The following ME2 variants were observed in gnomAD, a reference collection of about 807,000 sequenced individuals.
ME2 encodes malic enzyme 2.
ME2 carries 60 observed loss-of-function variants against 73.7 expected under a neutral mutation model. The ratio of observed to expected loss-of-function variants is 0.81; its 90% CI spans 0.66 to 1.01. The LOEUF (loss-of-function observed/expected upper bound fraction) is 1.01. Ranked by LOEUF, ME2 falls within the 50% of genes least tolerant of loss-of-function variation. The pLI is 0.00. For synonymous variants in ME2, 199 were observed against 236.9 expected (o/e 0.84, Z 1.47); for missense variants, 594 against 705.5 (o/e 0.84, Z 1.79).
In ME2 at chr18:50,910,022, C is replaced by T. The variant is rs116784379; in HGVS notation, c.242+1826C>T. On this transcript the variant is annotated intron_variant, in intron 3 of 15. Coordinates refer to ENST00000321341, the MANE Select transcript of ME2 (RefSeq NM_002396.5). ...CTCTCAATCTTAACTGATGATCTTG[C>T]TTTCTTTTATGACATAGAATATGAA... Among the ~76,000 whole-genome samples, 426 of 152,236 alleles carry T rather than the reference C, an allele frequency of 2.8e-3. 3 individuals carry two copies. Among genetic ancestry groups the T allele is most frequent in the African/African-American group, 9.6e-3 (398 of 41,540 alleles).
At chr18:50,915,472 G>C (rs1382529567) in intron 4 of ME2, 1 of 152,230 alleles carries the variant, frequency 6.6e-6, no homozygotes, top group South Asian at 2.1e-4. Context: ...CTTCACTGCA[G>C]CATGGGTGAA....
chr18:50,934,563 G>T (rs559796371), intron 13 of ME2: 1 of 152,056 alleles, frequency 6.6e-6, no homozygotes, highest in Admixed American at 6.6e-5. Context: ...TGGAAGGATC[G>T]CATGAGCCTG....
chr18:50,887,468 C>T (rs891371845), intron 1 of ME2, among the ~76,000 whole-genome samples: 2 of 152,164 alleles, frequency 1.3e-5, no homozygotes, highest in African/African-American at 4.8e-5. Context: ...GTTCAACCTT[C>T]AGAATCAAAA....
intron 9 of ME2, 80 bp downstream of exon 9, chr18:50,920,838 G>A (rs1437481003): frequency 1.8e-6 from 2 of 1,111,436 alleles, no homozygotes; most frequent in Non-Finnish European, 2.6e-6. Flanking sequence ...TGATGTTTAT[G>A]AAAGAGCATA....
At chr18:50,910,489 G>A (rs1028259594) in intron 3 of ME2, among the ~76,000 whole-genome samples, 1 of 151,904 alleles carries the variant, frequency 6.6e-6, no homozygotes, top group African/African-American at 2.4e-5. Context: ...GGTTAAAGGG[G>A]TGAGAGCAGA....
chr18:50,928,542 T>C (rs1383139154), intron 12 of ME2, among the ~76,000 whole-genome samples: 1 of 152,190 alleles, frequency 6.6e-6, no homozygotes, highest in Non-Finnish European at 1.5e-5. Context: ...CCGGACTGTT[T>C]TTGTTTTTCT....
chr18:50,919,251 G>T (rs1917363489), intron 7 of ME2, among the ~76,000 whole-genome samples: 1 of 152,106 alleles, frequency 6.6e-6, no homozygotes, highest in African/African-American at 2.4e-5. Context: ...GCTTCATTTT[G>T]TCATTCTTTT....
At chr18:50,893,965 T>G (rs562884957) in intron 1 of ME2, among the ~76,000 whole-genome samples, 1 of 152,264 alleles carries the variant, frequency 6.6e-6, no homozygotes, top group Non-Finnish European at 1.5e-5. Context: ...ATGTCCTTCA[T>G]GCTTTAATTA....
At chr18:50,912,361 G>C (rs116692533) in intron 3 of ME2, among the ~76,000 whole-genome samples, 78 of 152,248 alleles carry the variant, frequency 5.1e-4, no homozygotes, top group Middle Eastern at 3.4e-3. Context: ...GAAAATAGAG[G>C]TAACTTCTTA....
chr18:50,912,980 A>G lies in ME2; in HGVS notation c.392+30A>G, dbSNP rs1917193880. On this transcript the variant is annotated intron_variant, in intron 4 of 15. Coordinates refer to ENST00000321341, the MANE Select transcript of ME2 (RefSeq NM_002396.5). ...GGCTTGTTTAAAAAAAAGCTTGTAA[A>G]TGATTATTGAATAAGGAAAATATCA... The G allele has an allele frequency of 3.9e-6, 6 of 1,548,104 alleles. No individual in the cohort carries two copies. The African/African-American group carries it at 8.4e-5, about 22-fold the overall frequency.
intron 1 of ME2, among the ~76,000 whole-genome samples, chr18:50,890,652 A>C (rs1317999980): frequency 1.3e-5 from 2 of 152,190 alleles, no homozygotes; most frequent in African/African-American, 4.8e-5. Context: ...TTTTTCAACA[A>C]AAAACACATC....
intron 15 of ME2, chr18:50,945,105 C>G (rs193149973): frequency 6.6e-6 from 1 of 152,168 alleles, no homozygotes. Flanking sequence ...TTATTTGGCC[C>G]TTAGGTTTTT....
chr18:50,911,729 C>G (rs1212106108), intron 3 of ME2, among the ~76,000 whole-genome samples: 1 of 152,090 alleles, frequency 6.6e-6, no homozygotes, highest in African/African-American at 2.4e-5. Context: ...ATTTGAGGAG[C>G]TGAAGTAAGT....
Position 50,924,194 on chromosome 18 carries a change from A to C in ME2, c.1153A>C (p.Lys385Gln). 1 of 1,609,290 alleles carries C rather than the reference A, an allele frequency of 6.2e-7. No individual in the cohort carries two copies. Among genetic ancestry groups the C allele is most frequent in the Non-Finnish European group, 8.5e-7 (1 of 1,177,230 alleles). ...TTTTGAAGATGCAGTGAATATACTG[A>C]AGCCTTCAACTATAATTGGTAGGTA... is the stretch of plus-strand genomic sequence containing the variant. ...DTFEDAVNIL[K>Q]PSTIIGVAGA... Residue 385 changes from lysine (K) to glutamine (Q), a missense_variant, in exon 11 of 16, where the codon AAG (lysine) becomes CAG (glutamine). Lys to Gln is a moderately conservative substitution (Grantham distance 53, BLOSUM62 1). Transcript: ENST00000321341.
chr18:50,937,696 AT>A (rs1432722139), intron 13 of ME2, among the ~76,000 whole-genome samples: 1 of 152,176 alleles, frequency 6.6e-6, no homozygotes, highest in Non-Finnish European at 1.5e-5. Flanking sequence ...TTTTAAAAAA[AT>A]AGAAAGCAAA....
intron 12 of ME2, among the ~76,000 whole-genome samples, chr18:50,926,299 C>G (rs942759152): frequency 6.6e-6 from 1 of 151,598 alleles, no homozygotes; most frequent in Non-Finnish European, 1.5e-5. Flanking sequence ...CTAATGAATT[C>G]TCTTGGTAAT....
At chr18:50,928,534 G>A (rs1032084640) in intron 12 of ME2, among the ~76,000 whole-genome samples, 21 of 152,082 alleles carry the variant, frequency 1.4e-4, no homozygotes, top group African/African-American at 3.6e-4. Flanking sequence ...CACTGCGCCC[G>A]GACTGTTTTT....
At chr18:50,887,916 G>A (rs1473780513) in intron 1 of ME2, among the ~76,000 whole-genome samples, 1 of 152,162 alleles carries the variant, frequency 6.6e-6, no homozygotes, top group Non-Finnish European at 1.5e-5. Flanking sequence ...AAGTTATGAA[G>A]CATGAACTGG....
chr18:50,913,864 C>T (rs978074219), intron 4 of ME2, among the ~76,000 whole-genome samples: 17 of 151,216 alleles, frequency 1.1e-4, no homozygotes, highest in Admixed American at 2.6e-4. Context: ...ATATTATACA[C>T]ACACACACAC....
Sources: allele counts gnomAD v4.1 joint callset (sites outside exome capture counted in the v4.1 genomes callset), GRCh38; gene constraint gnomAD v4.1.1; transcripts MANE v1.5; gene names NCBI Gene and HGNC (gene_info 2026-07-23, HGNC 2026-07-21).